Variants in AFG1L observed in about 807,000 individuals in gnomAD.
The protein encoded by AFG1L is AFG1-like ATPase.
In AFG1L, 53 loss-of-function variants were observed where a neutral mutation model predicts 62.2. That is an observed-to-expected ratio of 0.85 (90% CI 0.68 to 1.07). AFG1L has a LOEUF of 1.07. Ranked by LOEUF, AFG1L falls within the 50% of genes least tolerant of loss-of-function variation. The pLI, the probability that AFG1L is intolerant of heterozygous loss-of-function variation, is 0.00. For synonymous variants in AFG1L, 228 were observed against 210.3 expected, an observed-to-expected ratio of 1.08 and a Z score of -0.73; for missense variants, 555 against 590.5, an observed-to-expected ratio of 0.94 and a Z score of 0.62.
intron 9 of AFG1L, 65 bp from the exon 10 acceptor site, chr6:108,477,127 C>A: frequency 2.6e-6 from 3 of 1,134,732 alleles, no homozygotes; most frequent in South Asian, 1.4e-5. Context: ...CATTTCCTAT[C>A]TGTAAGAGAT....
At chr6:108,415,901 G>A (rs9486878) in intron 7 of AFG1L, among the ~76,000 whole-genome samples, 95,995 of 152,078 alleles carry the variant, frequency 0.63, 32,418 homozygotes, top group African/African-American at 0.89. Flanking sequence ...AATGGCAACA[G>A]AAGCCAAAAT....
chr6:108,326,837 G>A (rs1220893716), intron 2 of AFG1L, among the ~76,000 whole-genome samples: 2 of 152,150 alleles, frequency 1.3e-5, no homozygotes, highest in Admixed American at 1.3e-4. Flanking sequence ...GCAGGTGCCT[G>A]TAATCTCAGC....
intron 7 of AFG1L, among the ~76,000 whole-genome samples, chr6:108,434,644 C>T (rs1237129241): frequency 5.9e-5 from 9 of 152,152 alleles, no homozygotes; most frequent in African/African-American, 1.7e-4. Context: ...AGCAGTGATC[C>T]GATCCTGTCA....
chr6:108,374,098 T>C (rs972217422), intron 6 of AFG1L, among the ~76,000 whole-genome samples: 1 of 150,660 alleles, frequency 6.6e-6, no homozygotes, highest in East Asian at 1.9e-4. Context: ...GTGATGTGGA[T>C]TTTTTTTTAT....
At chr6:108,449,889 A>G (rs1771981277) in intron 8 of AFG1L, among the ~76,000 whole-genome samples, 1 of 152,100 alleles carries the variant, frequency 6.6e-6, no homozygotes, top group African/African-American at 2.4e-5. Context: ...GCTGAGAATG[A>G]TGGTTTCCAG....
intron 7 of AFG1L, among the ~76,000 whole-genome samples, chr6:108,428,075 T>C (rs1295857284): frequency 2.0e-5 from 3 of 152,194 alleles, no homozygotes; most frequent in Non-Finnish European, 4.4e-5. Context: ...GTACCCAATA[T>C]GTAGTTTTTT....
chr6:108,481,742 C>A (rs1773327087), intron 10 of AFG1L, among the ~76,000 whole-genome samples: 1 of 152,214 alleles, frequency 6.6e-6, no homozygotes, highest in Non-Finnish European at 1.5e-5. Flanking sequence ...TAAAACACTT[C>A]TGCACTATAT....
intron 7 of AFG1L, among the ~76,000 whole-genome samples, chr6:108,428,858 T>C (rs939630932): frequency 4.6e-5 from 7 of 152,216 alleles, no homozygotes; most frequent in Non-Finnish European, 7.3e-5. Context: ...TAGTCCTTGT[T>C]AGACACATAG....
intron 1 of AFG1L, among the ~76,000 whole-genome samples, chr6:108,310,223 CAT>C: frequency 6.6e-6 from 1 of 152,358 alleles, no homozygotes; most frequent in East Asian, 1.9e-4. Flanking sequence ...GCAACATTTA[CAT>C]TTCCATCAGC....
At chr6:108,425,337 C>G (rs1029645447) in intron 7 of AFG1L, among the ~76,000 whole-genome samples, 1 of 152,144 alleles carries the variant, frequency 6.6e-6, no homozygotes, top group Non-Finnish European at 1.5e-5. Flanking sequence ...ACAGACCAAA[C>G]ATAGCAGATG....
chr6:108,439,942 TTAAG>T (rs1771468890), intron 7 of AFG1L, among the ~76,000 whole-genome samples: 1 of 152,190 alleles, frequency 6.6e-6, no homozygotes, highest in Admixed American at 6.5e-5. Flanking sequence ...TTTTCTGTAT[TTAAG>T]TGTTTATTTT....
chr6:108,324,891 C>T (rs1201890013), intron 2 of AFG1L, among the ~76,000 whole-genome samples: 1 of 152,108 alleles, frequency 6.6e-6, no homozygotes, highest in Non-Finnish European at 1.5e-5. Context: ...CGGGGTTTCA[C>T]CATGTTGGCC....
chr6:108,424,365 A>G (rs1348929753), intron 7 of AFG1L, among the ~76,000 whole-genome samples: 1 of 152,118 alleles, frequency 6.6e-6, no homozygotes, highest in East Asian at 1.9e-4. Context: ...TCTAAATATG[A>G]TAATAAAGTC....
intron 6 of AFG1L, among the ~76,000 whole-genome samples, chr6:108,398,776 T>C (rs1781425980): frequency 6.6e-6 from 1 of 152,164 alleles, no homozygotes; most frequent in African/African-American, 2.4e-5. Context: ...TGGATTTGTT[T>C]CTGGGTTCTC....
intron 6 of AFG1L, among the ~76,000 whole-genome samples, chr6:108,386,350 A>C (rs970200336): frequency 5.3e-5 from 8 of 151,938 alleles, no homozygotes; most frequent in African/African-American, 1.7e-4. Flanking sequence ...AATCCCAGCT[A>C]TTTGGGGGGC....
At chr6:108,498,338 C>T (rs1253881584) in intron 10 of AFG1L, among the ~76,000 whole-genome samples, 1 of 152,098 alleles carries the variant, frequency 6.6e-6, no homozygotes, top group Non-Finnish European at 1.5e-5. Flanking sequence ...ATCAGATGAC[C>T]CCTCACCCCA....
chr6:108,432,534 A>G (rs1337691100), intron 7 of AFG1L, among the ~76,000 whole-genome samples: 3 of 152,100 alleles, frequency 2.0e-5, no homozygotes, highest in South Asian at 2.1e-4. Flanking sequence ...ATTGCCACCA[A>G]TCTCTACCTC....
At chr6:108,508,793 G>A (rs1341879720) in intron 10 of AFG1L, among the ~76,000 whole-genome samples, 2 of 152,160 alleles carry the variant, frequency 1.3e-5, no homozygotes, top group Non-Finnish European at 2.9e-5. Flanking sequence ...CCTCCTCACG[G>A]TTTCCTAATT....
chr6:108,502,708 A>G (rs1774255914), intron 10 of AFG1L, among the ~76,000 whole-genome samples: 1 of 152,148 alleles, frequency 6.6e-6, no homozygotes, highest in Non-Finnish European at 1.5e-5. Context: ...ATGACTGACA[A>G]TTTCTTAAAA....
Sources: allele counts gnomAD v4.1 joint callset (sites outside exome capture counted in the v4.1 genomes callset), GRCh38; gene constraint gnomAD v4.1.1; transcripts MANE v1.5; gene names NCBI Gene and HGNC (gene_info 2026-07-23, HGNC 2026-07-21).